FBXO40: variants seen among roughly 807,000 people sequenced by gnomAD.
The protein encoded by FBXO40 is F-box protein 40.
A neutral mutation model predicts 49.9 loss-of-function variants in FBXO40; 50 were observed. That is an observed-to-expected ratio of 1.00 (90% CI 0.80 to 1.27). FBXO40 has a LOEUF of 1.27. Ranked by LOEUF, FBXO40 falls within the 50% of genes most tolerant of loss-of-function variation. The pLI is 0.00. For synonymous variants in FBXO40, 340 were observed against 320.2 expected (o/e 1.06, Z -0.66); for missense variants, 895 against 870.1 (o/e 1.03, Z -0.36).
rs371888873 is a variant in FBXO40 at position 121,624,286 on chromosome 3, G to A, written c.1914+943G>A. Among the ~76,000 whole-genome samples the A allele has an allele frequency of 3.9e-5, 6 of 152,044 alleles. No homozygotes were observed. The East Asian group carries it at 7.7e-4, about 20-fold the overall frequency. ...ATTATAGGTATGAGCCACTGCGCCCGGCCTTAAAGAGCTTTTTATGTGCCA... is the reference window on the plus strand; with the variant it reads ...ATTATAGGTATGAGCCACTGCGCCCAGCCTTAAAGAGCTTTTTATGTGCCA... On this transcript the variant is annotated intron_variant, in intron 3 of 3. Transcript: ENST00000338040.
chr3:121,616,749 C>T (rs779351444), intron 1 of FBXO40, among the ~76,000 whole-genome samples: 90 of 152,210 alleles, frequency 5.9e-4, no homozygotes, highest in Non-Finnish European at 9.3e-4. Context: ...AATGAATGAA[C>T]CAGACTATAA....
chr3:121,622,262 T>A lies in FBXO40; in HGVS notation c.833T>A (p.Val278Asp), dbSNP rs200968444. 148 of 1,614,124 alleles carry A rather than the reference T, an allele frequency of 9.2e-5. 3 individuals are homozygous for A. Among genetic ancestry groups the A allele is most frequent in the Non-Finnish European group, 4.2e-6 (5 of 1,180,020 alleles). Residue 278 changes from valine (V) to aspartate (D), a missense_variant, in exon 3 of 4, where the codon GTT (valine) becomes GAT (aspartate). By Grantham distance (152) the Val-to-Asp change is radical. Transcript: ENST00000338040. ...CAGGAAAATCAGAAGCAGCAGGACGTTCGTACAGCCATGGAAACCACAGGG... is the reference window on the plus strand; with the variant it reads ...CAGGAAAATCAGAAGCAGCAGGACGATCGTACAGCCATGGAAACCACAGGG... ...EPQENQKQQD[V>D]RTAMETTGLA...
chr3:121,621,828 T>G lies in FBXO40; in HGVS notation c.399T>G (p.Asp133Glu). ...TGGACACAGCCCTGGCCCTGCAGGA[T>G]CAGAAGGTCCTCTTCAGATCCTTGA... Reference protein sequence around the residue: ...ECLDTALALQDQKVLFRSLKM... With the variant: ...ECLDTALALQEQKVLFRSLKM... The change falls in exon 3 of 4, where the codon GAT (aspartate) becomes GAG (glutamate). Residue 133 changes from aspartate (D) to glutamate (E), a missense_variant. Physicochemically the swap from Asp to Glu is conservative, Grantham distance 45 (BLOSUM62 2). Transcript: ENST00000338040. 2 of 1,614,112 alleles carry G rather than the reference T, an allele frequency of 1.2e-6. No individual in the cohort carries two copies. The highest frequency in any genetic ancestry group is 1.6e-4 in the Middle Eastern group (1 of 6,062).
chr3:121,623,351 A>T lies in FBXO40; in HGVS notation c.1914+8A>T. ...TGGAGAGTCCACAGAGAGGTAAGTA[A>T]ACACTCATTTATTGATTGACTCATT... On this transcript the variant is annotated splice_region_variant and intron_variant, in intron 3 of 3. Transcript: ENST00000338040. 1 of 1,603,056 alleles carries T rather than the reference A, an allele frequency of 6.2e-7. No homozygotes were observed. Among genetic ancestry groups the T allele is most frequent in the Non-Finnish European group, 8.5e-7 (1 of 1,173,176 alleles).
chr3:121,611,378 G>C lies in FBXO40; in HGVS notation c.-30-9168G>C, dbSNP rs147416850. Among the ~76,000 whole-genome samples the C allele has an allele frequency of 3.5e-4, 53 of 152,316 alleles. 1 individual carries two copies. In the East Asian group the frequency reaches 4.6e-3, roughly 13 times the overall value. ...GTCAGCAACAAACATGTGAGCAATA[G>C]AATCTATGTCATAATGAAGTTCAAG... On this transcript the variant is annotated intron_variant, in intron 1 of 3. Transcript: ENST00000338040.
chr3:121,616,319 G>T (rs574098908), intron 1 of FBXO40, among the ~76,000 whole-genome samples: 1 of 152,304 alleles, frequency 6.6e-6, no homozygotes, highest in Non-Finnish European at 1.5e-5. Flanking sequence ...GATGGGGAGT[G>T]TGTTAAGCAT....
chr3:121,622,027 C>A lies in FBXO40; in HGVS notation c.598C>A (p.Arg200=), dbSNP rs376105815. 5.0e-6 allele frequency: 8 copies of A among 1,614,134 alleles called. 1 individual carries two copies. In the South Asian group the frequency reaches 8.8e-5, roughly 18 times the overall value. ...GATGGCAGAGCTAAGTCAAGAAGAA[C>A]GGGAGGTGCTAGCCAAAACCAAAGA... ...GEMAELSQEE[R]EVLAKTKEGM... is the part of the protein sequence containing the mutation. The change falls in exon 3 of 4, where the codon CGG becomes AGG. Residue 200 remains arginine, a synonymous_variant. Coordinates refer to ENST00000338040, the MANE Select transcript of FBXO40 (RefSeq NM_016298.4).
At chr3:121,615,795 T>C (rs1032870042) in intron 1 of FBXO40, among the ~76,000 whole-genome samples, 2 of 152,130 alleles carry the variant, frequency 1.3e-5, no homozygotes, top group Non-Finnish European at 2.9e-5. Flanking sequence ...AAGTTTTGTC[T>C]GGCCATAAAT....
intron 1 of FBXO40, among the ~76,000 whole-genome samples, chr3:121,614,665 TG>T: frequency 6.6e-6 from 1 of 152,260 alleles, no homozygotes; most frequent in Non-Finnish European, 1.5e-5. Context: ...TCTAACTCCT[TG>T]GGCCCTGGGC....
At chr3:121,616,640 A>C (rs1446815487) in intron 1 of FBXO40, among the ~76,000 whole-genome samples, 4 of 152,244 alleles carry the variant, frequency 2.6e-5, no homozygotes, top group African/African-American at 9.6e-5. Context: ...TAAGACTCTA[A>C]CAAGCCGTCC....
At chr3:121,595,307 A>G (rs541593608) in intron 1 of FBXO40, among the ~76,000 whole-genome samples, 1 of 152,178 alleles carries the variant, frequency 6.6e-6, no homozygotes, top group Non-Finnish European at 1.5e-5. Flanking sequence ...CACAGCACCA[A>G]GGTCTCCAAG....
At chr3:121,624,099 T>C (rs1576456725) in intron 3 of FBXO40, among the ~76,000 whole-genome samples, 1 of 150,234 alleles carries the variant, frequency 6.7e-6, no homozygotes, top group Non-Finnish European at 1.5e-5. Context: ...CAAGCAATTC[T>C]CCTGCCTCAG....
At chr3:121,623,747 G>GGT in intron 3 of FBXO40, among the ~76,000 whole-genome samples, 1 of 143,148 alleles carries the variant, frequency 7.0e-6, no homozygotes, top group Non-Finnish European at 1.5e-5. Flanking sequence ...GGAGTGCAAT[G>GGT]GCATGATCTT....
intron 1 of FBXO40, among the ~76,000 whole-genome samples, chr3:121,615,415 G>T (rs773211563): frequency 7.3e-5 from 11 of 151,242 alleles, no homozygotes; most frequent in Non-Finnish European, 1.5e-4. Flanking sequence ...AATTAGCCAG[G>T]CATGGTGGTG....
Position 121,626,781 on chromosome 3 carries a change from T to A in FBXO40, c.2001T>A (p.Cys667Ter), listed in dbSNP as rs1423465856. ...CCATGTCTGAGCACCTGAAGTCCTG[T>A]CCTTTCAACATTGTAGAGCACAAAA... ...VTSMSEHLKS[C>*]PFNIVEHKTD... The change falls in exon 4 of 4, where the codon TGT (cysteine) becomes TGA (stop). Residue 667 changes from cysteine to a stop codon, truncating the protein, a stop_gained. Transcript: ENST00000338040. LOFTEE classifies it high-confidence loss of function. 1.2e-6 allele frequency: 2 copies of A among 1,614,060 alleles called. No individual in the cohort carries two copies. Among genetic ancestry groups the A allele is most frequent in the Non-Finnish European group, 1.7e-6 (2 of 1,180,052 alleles).
rs1025949759 is a variant in FBXO40 at position 121,620,579 on chromosome 3, G to A, written c.3+1G>A. 5.0e-6 allele frequency: 8 copies of A among 1,614,006 alleles called. No individual in the cohort carries two copies. In the African/African-American group the frequency reaches 9.3e-5, roughly 19 times the overall value. ...AGCAAGAAGAAATTGGGGCGCCATG[G>A]TAAGCACCAGGAGCTTATTGAAGCT... On this transcript the variant is annotated splice_donor_variant, in intron 2 of 3. Coordinates refer to ENST00000338040, the MANE Select transcript of FBXO40 (RefSeq NM_016298.4). LOFTEE classifies it high-confidence loss of function.
chr3:121,622,346 A>C lies in FBXO40; in HGVS notation c.917A>C (p.Asp306Ala), dbSNP rs763489731. 28 of 1,614,088 alleles carry C rather than the reference A, an allele frequency of 1.7e-5. No individual in the cohort carries two copies. The highest frequency in any genetic ancestry group is 2.7e-5 in the African/African-American group (2 of 74,938). The change falls in exon 3 of 4, where the codon GAC (aspartate) becomes GCC (alanine). Residue 306 changes from aspartate (D) to alanine (A), a missense_variant. Transcript: ENST00000338040. ...ERLKTAVDAK[D>A]YNMYLVHNGR... ...CTGAAAACAGCTGTGGATGCAAAGG[A>C]CTATAACATGTATCTAGTGCACAAT... is the stretch of plus-strand genomic sequence containing the variant.
At chr3:121,611,643 G>A (rs2048966143) in intron 1 of FBXO40, among the ~76,000 whole-genome samples, 1 of 152,088 alleles carries the variant, frequency 6.6e-6, no homozygotes, top group Non-Finnish European at 1.5e-5. Context: ...AACTGCAAGG[G>A]GCTTTCCTCT....
At chr3:121,608,048 A>C (rs2048941187) in intron 1 of FBXO40, among the ~76,000 whole-genome samples, 1 of 152,188 alleles carries the variant, frequency 6.6e-6, no homozygotes, top group Non-Finnish European at 1.5e-5. Flanking sequence ...TCTTCCTTGG[A>C]GTACACTGGC....
Sources: allele counts gnomAD v4.1 joint callset (sites outside exome capture counted in the v4.1 genomes callset), GRCh38; gene constraint gnomAD v4.1.1; transcripts MANE v1.5; gene names NCBI Gene and HGNC (gene_info 2026-07-23, HGNC 2026-07-21).